The following NBDY variants were observed in gnomAD, a reference collection of about 807,000 sequenced individuals.
NBDY encodes the protein negative regulator of P-body association, also known as P-body dissociating protein.
At chrX:56,784,775 C>T (rs770392942) in intron 2 of NBDY, among the ~76,000 whole-genome samples, 13 of 111,322 alleles carry the variant, frequency 1.2e-4, no homozygotes, top group African/African-American at 3.9e-4. Flanking sequence ...ATGAGTCGGT[C>T]GAGGACAAAT....
In NBDY at chrX:56,755,650, G is replaced by A. The variant is rs1255496666; in HGVS notation, c.*166+23451G>A. The stretch of plus-strand genomic sequence containing the variant: ...AAAAAGTCAGGAAACAACAGGTGCT[G>A]GAGAGGATGTGGAGAAATAGGAACA... On this transcript the variant is annotated intron_variant, in intron 2 of 2. Coordinates refer to ENST00000374922, the MANE Select transcript of NBDY (RefSeq NM_001348129.2). Among the ~76,000 whole-genome samples, 4 of 111,341 alleles carry A rather than the reference G, an allele frequency of 3.6e-5. No individual in the cohort carries two copies. The Admixed American group carries it at 3.8e-4, about 11-fold the overall frequency.
At chrX:56,804,241 C>T (rs1208363766) in intron 2 of NBDY, among the ~76,000 whole-genome samples, 1 of 112,112 alleles carries the variant, frequency 8.9e-6, no homozygotes, top group East Asian at 2.8e-4. Context: ...ATCAAAAGCA[C>T]CCAGGTCCAA....
chrX:56,816,930 A>G (rs777996508), intron 2 of NBDY, among the ~76,000 whole-genome samples: 8 of 111,195 alleles, frequency 7.2e-5, no homozygotes, highest in Non-Finnish European at 1.5e-4. Context: ...AAAATTTCCA[A>G]GGAATATAGG....
intron 2 of NBDY, among the ~76,000 whole-genome samples, chrX:56,814,140 A>G (rs1304908144): frequency 9.0e-6 from 1 of 110,638 alleles, no homozygotes; most frequent in Non-Finnish European, 1.9e-5. Context: ...TTCTGGACCG[A>G]AGGTAGTCAT....
intron 2 of NBDY, among the ~76,000 whole-genome samples, chrX:56,764,669 T>C (rs781202790): frequency 9.6e-6 from 1 of 103,705 alleles, no homozygotes; most frequent in South Asian, 4.5e-4. Context: ...TTTCCCTCTT[T>C]CTGTTTTTGG....
At position 56,797,427 on chromosome X, in the gene NBDY, C is replaced by G. The variant is rs191928251; in HGVS notation, c.*167-19893C>G. Among the ~76,000 whole-genome samples the G allele has an allele frequency of 2.6e-4, 28 of 108,739 alleles. No homozygotes were observed. In the East Asian group the frequency reaches 7.5e-3, roughly 29 times the overall value. The allele number at this position is 108,739 out of a possible 115,157, so 94.4% of individuals were successfully genotyped here. On this transcript the variant is annotated intron_variant, in intron 2 of 2. Coordinates refer to ENST00000374922, the MANE Select transcript of NBDY (RefSeq NM_001348129.2). ...TCTTCTCCTTGGTGATGGGGAATGT[C>G]CTTCTGCAGCTCTAGGCCTCAAGAA...
chrX:56,746,661 GAGATCTGT>G (rs1045386968), intron 2 of NBDY, among the ~76,000 whole-genome samples: 13 of 109,676 alleles, frequency 1.2e-4, no homozygotes, highest in Non-Finnish European at 2.5e-4. Context: ...CTGTAGATCT[GAGATCTGT>G]AGATCTCAGT....
intron 2 of NBDY, among the ~76,000 whole-genome samples, chrX:56,758,378 A>G (rs952282209): frequency 9.1e-6 from 1 of 110,288 alleles, no homozygotes; most frequent in African/African-American, 3.3e-5. Flanking sequence ...GCATCTGCAC[A>G]TTGTTGACCC....
At chrX:56,731,557 C>G (rs2069459082) in intron 1 of NBDY, among the ~76,000 whole-genome samples, 1 of 108,864 alleles carries the variant, frequency 9.2e-6, no homozygotes, top group Non-Finnish European at 1.9e-5. Context: ...GGCGACAGAC[C>G]GGGACTCGGT....
At chrX:56,751,883 T>C (rs2069587584) in intron 2 of NBDY, among the ~76,000 whole-genome samples, 1 of 112,385 alleles carries the variant, frequency 8.9e-6, no homozygotes, top group East Asian at 2.8e-4. Context: ...ATCTGCAGTG[T>C]TTATTGCTCC....
chrX:56,809,363 T>C (rs768153640), intron 2 of NBDY, among the ~76,000 whole-genome samples: 6 of 111,698 alleles, frequency 5.4e-5, no homozygotes, highest in Non-Finnish European at 9.4e-5. Flanking sequence ...GGTGTTAAAG[T>C]CTCCCACTGT....
intron 2 of NBDY, among the ~76,000 whole-genome samples, chrX:56,745,805 C>T (rs181246795): frequency 2.1e-5 from 2 of 94,449 alleles, no homozygotes. Context: ...CTATATGTCT[C>T]ACAGTATGAA....
intron 2 of NBDY, among the ~76,000 whole-genome samples, chrX:56,766,600 C>T (rs34665999): frequency 3.6e-5 from 4 of 111,805 alleles, no homozygotes; most frequent in Non-Finnish European, 5.6e-5. Context: ...GACAGGGGTT[C>T]GAAATATGCA....
intron 2 of NBDY, among the ~76,000 whole-genome samples, chrX:56,799,368 C>A (rs1025405901): frequency 8.8e-6 from 1 of 113,241 alleles, no homozygotes; most frequent in Non-Finnish European, 1.9e-5. Context: ...GCCCCAGTCT[C>A]GGCAGTCAGT....
intron 2 of NBDY, 107 bp downstream of exon 2, chrX:56,732,306 A>G: frequency 3.5e-6 from 1 of 284,448 alleles, no homozygotes; most frequent in Non-Finnish European, 6.2e-6. Context: ...GCAGCAAATG[A>G]TAAAATTGAA....
Position 56,749,337 on chromosome X carries a change from G to T in NBDY, c.*166+17138G>T, listed in dbSNP as rs189040584. 3.1e-3 allele frequency among the ~76,000 whole-genome samples: 343 copies of T among 110,988 alleles called. 1 individual carries two copies. The highest frequency in any genetic ancestry group is 0.011 in the African/African-American group (338 of 30,518). ...ATCATCAGATTAAACACTTATTTTT[G>T]TTAATCTAGACCTTGAATTGAACTC... On this transcript the variant is annotated intron_variant, in intron 2 of 2. Coordinates refer to ENST00000374922, the MANE Select transcript of NBDY (RefSeq NM_001348129.2).
intron 2 of NBDY, among the ~76,000 whole-genome samples, chrX:56,789,873 C>T (rs937999361): frequency 9.0e-6 from 1 of 111,623 alleles, no homozygotes; most frequent in Non-Finnish European, 1.9e-5. Context: ...GTAGCCAGAG[C>T]CCAGACAGTG....
intron 2 of NBDY, among the ~76,000 whole-genome samples, chrX:56,783,198 T>C (rs920392381): frequency 1.8e-5 from 2 of 112,717 alleles, no homozygotes; most frequent in Non-Finnish European, 3.8e-5. Context: ...CCCTCATTCC[T>C]AGGATGGCGG....
chrX:56,756,972 G>A (rs1458037554), intron 2 of NBDY, among the ~76,000 whole-genome samples: 1 of 111,359 alleles, frequency 9.0e-6, no homozygotes, highest in Admixed American at 9.5e-5. Context: ...GAAAAGAAAA[G>A]AAAAGAAAAT....
Sources: allele counts gnomAD v4.1 joint callset (sites outside exome capture counted in the v4.1 genomes callset), GRCh38; gene constraint gnomAD v4.1.1; transcripts MANE v1.5; gene names NCBI Gene and HGNC (gene_info 2026-07-23, HGNC 2026-07-21).